PLEKHA2: variants seen among roughly 807,000 people sequenced by gnomAD.
PLEKHA2 encodes pleckstrin homology domain containing A2.
PLEKHA2 carries 28 observed loss-of-function variants against 53.2 expected under a neutral mutation model. The ratio of observed to expected loss-of-function variants is 0.53; its 90% CI spans 0.39 to 0.72. The LOEUF (loss-of-function observed/expected upper bound fraction) is 0.72. Among genes scored for constraint, PLEKHA2 ranks in the 30% least tolerant of loss-of-function variants. PLEKHA2 has a pLI of 0.00. For synonymous variants in PLEKHA2, 193 were observed against 196.4 expected, an observed-to-expected ratio of 0.98 and a Z score of 0.14; for missense variants, 426 against 537.9, an observed-to-expected ratio of 0.79 and a Z score of 2.06.
At chr8:38,960,489 C>CA (rs547001835) in intron 10 of PLEKHA2, among the ~76,000 whole-genome samples, 25 of 148,378 alleles carry the variant, frequency 1.7e-4, no homozygotes, top group Non-Finnish European at 2.4e-4. Context: ...GACCTTGTCT[C>CA]AAAAAAAAAT....
chr8:38,917,861 A>AG, intron 1 of PLEKHA2, 46 bp from the exon 2 acceptor site: 1 of 1,578,692 alleles, frequency 6.3e-7, no homozygotes, highest in Non-Finnish European at 8.6e-7. Flanking sequence ...CCTGAGGCAG[A>AG]GCTGCTTCAT....
At position 38,954,966 on chromosome 8, in the gene PLEKHA2, G is replaced by A. The variant is rs188495521; in HGVS notation, c.773+1599G>A. Among the ~76,000 whole-genome samples the A allele has an allele frequency of 4.0e-3, 604 of 152,228 alleles. 4 individuals carry two copies. The highest frequency in any genetic ancestry group is 0.014 in the African/African-American group (573 of 41,538). ...GGAGAATCGCTTGAACCCGGGAGGCGGAGGTTGCAGTGAGCCAAGATCGTG... is the reference window on the plus strand; with the variant it reads ...GGAGAATCGCTTGAACCCGGGAGGCAGAGGTTGCAGTGAGCCAAGATCGTG... On this transcript the variant is annotated intron_variant, in intron 9 of 11. Coordinates refer to ENST00000617275, the MANE Select transcript of PLEKHA2 (RefSeq NM_021623.2).
Position 38,971,056 on chromosome 8 carries a change from C to T in PLEKHA2, c.*1273C>T, listed in dbSNP as rs969266782. The T allele has an allele frequency of 1.3e-5, 2 of 152,126 alleles. No individual in the cohort carries two copies. Among genetic ancestry groups the T allele is most frequent in the African/African-American group, 4.8e-5 (2 of 41,412 alleles). 9.4% of individuals were successfully genotyped at this position (152,126 alleles called of 1,614,324 possible). A position where few individuals can be genotyped will look rare whatever the true frequency, so the allele number is the denominator to read the frequency against. On this transcript the variant is annotated 3_prime_UTR_variant, in exon 12 of 12. Transcript: ENST00000617275. The stretch of plus-strand genomic sequence containing the variant: ...AAGAGACTAAGAGAACTATTTTTAC[C>T]TGAGTAAATGCTCTCCTCTTCTTGT...
Position 38,969,506 on chromosome 8 carries a change from G to C in PLEKHA2, c.1001G>C (p.Gly334Ala). 1 of 1,613,752 alleles carries C rather than the reference G, an allele frequency of 6.2e-7. No homozygotes were observed. The change falls in exon 12 of 12, where the codon GGG (glycine) becomes GCG (alanine). Residue 334 changes from glycine (G) to alanine (A), a missense_variant. Physicochemically the swap from Gly to Ala is moderately conservative, Grantham distance 60. Coordinates refer to ENST00000617275, the MANE Select transcript of PLEKHA2 (RefSeq NM_021623.2). ...GGGCCCAACTCTATCCTGTGCAGGG[G>C]GCGGCCACCTTTGGAGGAAAAGAAA... Reference protein sequence around the residue: ...SSGPNSILCRGRPPLEEKKAL... With the variant: ...SSGPNSILCRARPPLEEKKAL...
rs540541630 is a variant in PLEKHA2, at chr8:38,907,211, T to C, written c.-24+5766T>C. Among the ~76,000 whole-genome samples, 4 of 152,362 alleles carry C rather than the reference T, an allele frequency of 2.6e-5. 1 individual carries two copies. In the South Asian group the frequency reaches 8.3e-4, roughly 32 times the overall value. On this transcript the variant is annotated intron_variant, in intron 1 of 11. Coordinates refer to ENST00000617275, the MANE Select transcript of PLEKHA2 (RefSeq NM_021623.2). ...TAACACAGAATGTGAAAGAAACATC[T>C]CTAAATTTTAAAAATGAGTAATTTT...
intron 8 of PLEKHA2, 94 bp downstream of exon 8, chr8:38,952,798 TG>T: frequency 7.6e-7 from 1 of 1,315,230 alleles, no homozygotes; most frequent in Non-Finnish European, 1.1e-6. Flanking sequence ...AGTGGAGATG[TG>T]GGCACACAAA....
chr8:38,924,438 AGGACAGGGAAGGG>A (rs2129416887), intron 2 of PLEKHA2, among the ~76,000 whole-genome samples: 2 of 152,244 alleles, frequency 1.3e-5, no homozygotes, highest in South Asian at 4.1e-4. Context: ...CTGGGGAAGG[AGGACAGGGAAGGG>A]AGGAGGCCAG....
At chr8:38,951,023 G>A (rs570951907) in intron 6 of PLEKHA2, 33 bp downstream of exon 6, 2 of 1,603,360 alleles carry the variant, frequency 1.2e-6, no homozygotes, top group Admixed American at 3.4e-5. Context: ...CGGGGGGAGT[G>A]GGGGTGTGGA....
chr8:38,926,048 C>T (rs1343588309), intron 2 of PLEKHA2, among the ~76,000 whole-genome samples: 2 of 152,234 alleles, frequency 1.3e-5, no homozygotes, highest in Non-Finnish European at 2.9e-5. Flanking sequence ...CAGGGGCAGC[C>T]AGTCTTGACA....
intron 1 of PLEKHA2, among the ~76,000 whole-genome samples, chr8:38,915,429 C>G (rs952286114): frequency 6.6e-6 from 1 of 152,194 alleles, no homozygotes; most frequent in Admixed American, 6.5e-5. Flanking sequence ...TTCTGAGGGC[C>G]GTGAGAGAAA....
At position 38,972,276 on chromosome 8, in the gene PLEKHA2, C is replaced by T. The variant is rs1835265336; in HGVS notation, c.*2493C>T. Reference sequence around the variant, plus strand: ...ATCATAGTTCATCATAACTTTGAATCTCTGGGCTTAAGCAATCCTCCCATG... The same window carrying T: ...ATCATAGTTCATCATAACTTTGAATTTCTGGGCTTAAGCAATCCTCCCATG... On this transcript the variant is annotated 3_prime_UTR_variant, in exon 12 of 12. Transcript: ENST00000617275. The T allele has an allele frequency of 3.3e-5, 5 of 151,960 alleles. No individual in the cohort carries two copies. In the South Asian group the frequency reaches 1.0e-3, roughly 32 times the overall value. The allele number at this position is 151,960 out of a possible 1,614,324, so 9.4% of individuals were successfully genotyped here.
rs1835286332 is a variant in PLEKHA2 at position 38,973,337 on chromosome 8, T to C, written c.*3554T>C. On this transcript the variant is annotated 3_prime_UTR_variant, in exon 12 of 12. Coordinates refer to ENST00000617275, the MANE Select transcript of PLEKHA2 (RefSeq NM_021623.2). ...TTAAGGTCCAGCTTCTTAGTCTACT[T>C]GAAGCAAATTTTTTTTCTTTTATAT... 6.6e-6 allele frequency: 1 copy of C among 152,062 alleles called. No homozygotes were observed. The highest frequency in any genetic ancestry group is 2.4e-5 in the African/African-American group (1 of 41,414). The allele number at this position is 152,062 out of a possible 1,614,324, so 9.4% of individuals were successfully genotyped here.
rs570148710 is a variant in PLEKHA2 at position 38,903,669 on chromosome 8, G to A, written c.-24+2224G>A. 9.2e-5 allele frequency among the ~76,000 whole-genome samples: 14 copies of A among 152,314 alleles called. No individual in the cohort carries two copies. In the South Asian group the frequency reaches 2.3e-3, roughly 25 times the overall value. On this transcript the variant is annotated intron_variant, in intron 1 of 11. Coordinates refer to ENST00000617275, the MANE Select transcript of PLEKHA2 (RefSeq NM_021623.2). ...AGGATACTAGGAAGACCCAAGCAGC[G>A]TTGGTCTCCTGTCCAATTCATGGGA...
In PLEKHA2 at chr8:38,970,823, C is replaced by T. The variant is rs1425797080; in HGVS notation, c.*1040C>T. On this transcript the variant is annotated 3_prime_UTR_variant, in exon 12 of 12. Transcript: ENST00000617275. ...CAAAATATAAAAGAAAATTGAGTGT[C>T]CCACCCAAATTTTAGGGCGTACCTC... 1 of 152,094 alleles carries T rather than the reference C, an allele frequency of 6.6e-6. No individual in the cohort carries two copies. Among genetic ancestry groups the T allele is most frequent in the East Asian group, 1.9e-4 (1 of 5,186 alleles). 9.4% of individuals were successfully genotyped at this position (152,094 alleles called of 1,614,324 possible).
At chr8:38,968,894 A>ATT in intron 11 of PLEKHA2, 2 of 409,394 alleles carry the variant, frequency 4.9e-6, no homozygotes, top group East Asian at 4.2e-5. Flanking sequence ...GAGAAATGGA[A>ATT]TTTCTTTTTT....
chr8:38,948,466 A>C (rs1834758223), intron 5 of PLEKHA2, among the ~76,000 whole-genome samples: 1 of 152,206 alleles, frequency 6.6e-6, no homozygotes, highest in Admixed American at 6.5e-5. Flanking sequence ...GAGAAACTGT[A>C]ACTGCTGGTA....
chr8:38,967,417 A>C (rs974820727), intron 10 of PLEKHA2, among the ~76,000 whole-genome samples: 2 of 152,194 alleles, frequency 1.3e-5, no homozygotes, highest in African/African-American at 4.8e-5. Flanking sequence ...TAGTTCTTTG[A>C]GAAATCTCTC....
chr8:38,950,370 T>C (rs1169378335), intron 5 of PLEKHA2, among the ~76,000 whole-genome samples: 1 of 152,172 alleles, frequency 6.6e-6, no homozygotes, highest in Non-Finnish European at 1.5e-5. Flanking sequence ...GCCGTTTGAG[T>C]GTCTCCCTGC....
intron 5 of PLEKHA2, among the ~76,000 whole-genome samples, chr8:38,947,337 C>A (rs1002706839): frequency 6.6e-6 from 1 of 152,134 alleles, no homozygotes; most frequent in African/African-American, 2.4e-5. Flanking sequence ...GTAGTCCCAG[C>A]TACTCAGGAG....
Sources: gnomAD v4.1 joint callset for allele counts (sites outside exome capture counted in the v4.1 genomes callset) on GRCh38, gnomAD v4.1.1 for gene constraint, MANE v1.5 for transcripts, NCBI Gene and HGNC (gene_info 2026-07-23, HGNC 2026-07-21) for gene names.